The following HTR2C variants were observed in gnomAD, a reference collection of about 807,000 sequenced individuals.
HTR2C encodes the protein 5-hydroxytryptamine (serotonin) receptor 2C, G protein-coupled.
A neutral mutation model predicts 21.0 loss-of-function variants in HTR2C; 5 were observed. The ratio of observed to expected loss-of-function variants is 0.24; its 90% CI spans 0.12 to 0.50. The LOEUF (loss-of-function observed/expected upper bound fraction) is 0.50, where lower values mean the gene tolerates loss of function less well. HTR2C is among the 20% of genes least tolerant of loss of function. HTR2C has a pLI of 0.98. For synonymous variants in HTR2C, 150 were observed against 145.3 expected (o/e 1.03, Z -0.23); for missense variants, 271 against 371.2 (o/e 0.73, Z 2.22).
chrX:114,781,317 ACT>A (rs1216809550), intron 4 of HTR2C, among the ~76,000 whole-genome samples: 3 of 110,135 alleles, frequency 2.7e-5, no homozygotes, highest in Non-Finnish European at 5.7e-5. Flanking sequence ...CAAGACGCTG[ACT>A]CTACAAAAAA....
chrX:114,676,053 A>G (rs1405151414), intron 2 of HTR2C, among the ~76,000 whole-genome samples: 3 of 110,047 alleles, frequency 2.7e-5, no homozygotes, highest in African/African-American at 9.9e-5. Context: ...TATTTTTAGT[A>G]GAGACGAGGT....
chrX:114,845,782 G>C (rs1260973737), intron 4 of HTR2C, among the ~76,000 whole-genome samples: 3 of 109,174 alleles, frequency 2.7e-5, no homozygotes, highest in Non-Finnish European at 3.8e-5. Context: ...GGCCAAGGTG[G>C]GAGGATTACT....
At chrX:114,708,075 A>G (rs907624763) in intron 2 of HTR2C, among the ~76,000 whole-genome samples, 1 of 111,603 alleles carries the variant, frequency 9.0e-6, no homozygotes, top group African/African-American at 3.2e-5. Flanking sequence ...TCAGAGTTGC[A>G]TATTAGGAAA....
chrX:114,858,845 T>C (rs2070984576), intron 5 of HTR2C, among the ~76,000 whole-genome samples: 1 of 111,020 alleles, frequency 9.0e-6, no homozygotes, highest in Admixed American at 9.6e-5. Context: ...TTAAATTCCC[T>C]TTTATTCTAT....
chrX:114,907,417 A>G lies in HTR2C; in HGVS notation c.*2A>G, dbSNP rs200841726. The G allele has an allele frequency of 3.7e-5, 43 of 1,160,774 alleles. No individual in the cohort carries two copies. Among genetic ancestry groups the G allele is most frequent in the Admixed American group, 3.3e-4 (15 of 45,492 alleles). ...AGCGAAAGGATTAGCAGTGTGTGAGAAAGAACAGCACAGTCTTTTCCTACG... is the reference window on the plus strand; with the variant it reads ...AGCGAAAGGATTAGCAGTGTGTGAGGAAGAACAGCACAGTCTTTTCCTACG... On this transcript the variant is annotated 3_prime_UTR_variant, in exon 6 of 6. Coordinates refer to ENST00000276198, the MANE Select transcript of HTR2C (RefSeq NM_000868.4).
At chrX:114,877,279 G>A (rs1313831395) in intron 5 of HTR2C, among the ~76,000 whole-genome samples, 1 of 111,136 alleles carries the variant, frequency 9.0e-6, no homozygotes, top group Non-Finnish European at 1.9e-5. Flanking sequence ...TATTTGTGGT[G>A]TCATTTGCAA....
At chrX:114,864,347 T>A (rs952516285) in intron 5 of HTR2C, among the ~76,000 whole-genome samples, 2 of 111,519 alleles carry the variant, frequency 1.8e-5, no homozygotes, top group Admixed American at 9.6e-5. Flanking sequence ...ATATAAAACA[T>A]CATATAGTTA....
At chrX:114,821,602 A>G (rs1376557711) in intron 4 of HTR2C, among the ~76,000 whole-genome samples, 1 of 111,720 alleles carries the variant, frequency 9.0e-6, no homozygotes, top group Non-Finnish European at 1.9e-5. Context: ...TTTAATGATT[A>G]ATTACTTGGC....
chrX:114,692,332 C>G (rs1932131104), intron 2 of HTR2C, among the ~76,000 whole-genome samples: 1 of 111,718 alleles, frequency 9.0e-6, no homozygotes, highest in African/African-American at 3.2e-5. Flanking sequence ...TTAGTGAGTT[C>G]TACAGTCAAC....
intron 4 of HTR2C, among the ~76,000 whole-genome samples, chrX:114,753,814 G>A (rs1410031449): frequency 3.6e-5 from 4 of 112,008 alleles, no homozygotes; most frequent in Non-Finnish European, 5.6e-5. Flanking sequence ...TGGATTGGAA[G>A]AGTCAACATA....
chrX:114,636,133 G>A (rs781816122), intron 2 of HTR2C, among the ~76,000 whole-genome samples: 1 of 98,780 alleles, frequency 1.0e-5, no homozygotes, highest in East Asian at 3.3e-4. Context: ...CTACCTCCCC[G>A]ATCTAAAGAA....
chrX:114,875,449 C>G (rs2071126168), intron 5 of HTR2C, among the ~76,000 whole-genome samples: 1 of 111,149 alleles, frequency 9.0e-6, no homozygotes, highest in African/African-American at 3.3e-5. Context: ...TTTATGTTAC[C>G]TGTGCTTTTG....
chrX:114,909,790 T>G lies in HTR2C; in HGVS notation c.*2375T>G, dbSNP rs2071401172. The G allele has an allele frequency of 8.9e-6, 1 of 112,314 alleles. No homozygotes were observed. The highest frequency in any genetic ancestry group is 3.7e-4 in the South Asian group (1 of 2,728). The allele number at this position is 112,314 out of a possible 1,213,427, so 9.3% of individuals were successfully genotyped here. On this transcript the variant is annotated 3_prime_UTR_variant, in exon 6 of 6. Transcript: ENST00000276198. Reference sequence around the variant, plus strand: ...ACCCTTCAATGTTAAATCTACAAACTTTTATAAATGTTTTAAAGAAGTCCA... The same window carrying G: ...ACCCTTCAATGTTAAATCTACAAACGTTTATAAATGTTTTAAAGAAGTCCA...
chrX:114,871,420 C>T (rs1264242308), intron 5 of HTR2C, among the ~76,000 whole-genome samples: 2 of 111,713 alleles, frequency 1.8e-5, no homozygotes, highest in African/African-American at 6.5e-5. Context: ...AATGTTCTGT[C>T]AATATCTATT....
intron 2 of HTR2C, among the ~76,000 whole-genome samples, chrX:114,699,997 A>G (rs1472441274): frequency 1.8e-5 from 2 of 111,883 alleles, no homozygotes; most frequent in African/African-American, 6.5e-5. Flanking sequence ...TAGTGTATAG[A>G]TTTGAAAGAA....
rs782049619 is a variant in HTR2C, at chrX:114,688,578, TTTATC to T, written c.-79-38279_-79-38275del. 1.6e-3 allele frequency among the ~76,000 whole-genome samples: 183 copies of T among 112,092 alleles called. 1 individual carries two copies. Among genetic ancestry groups the T allele is most frequent in the African/African-American group, 5.8e-3 (178 of 30,935 alleles). Reference sequence around the variant, plus strand: ...TTGCTACCTGGGATTAGAAAACTATTTTATCATTCATTTCTTAATGGTTGATAAGG... The same window carrying T: ...TTGCTACCTGGGATTAGAAAACTATTATTCATTTCTTAATGGTTGATAAGG... On this transcript the variant is annotated intron_variant, in intron 2 of 5. Coordinates refer to ENST00000276198, the MANE Select transcript of HTR2C (RefSeq NM_000868.4).
intron 4 of HTR2C, among the ~76,000 whole-genome samples, chrX:114,789,926 T>C (rs916450127): frequency 2.7e-5 from 3 of 112,145 alleles, no homozygotes; most frequent in African/African-American, 6.5e-5. Flanking sequence ...TAAAATAATA[T>C]GTTTAGCATT....
intron 2 of HTR2C, among the ~76,000 whole-genome samples, chrX:114,706,412 C>T (rs1932769197): frequency 1.1e-5 from 1 of 91,347 alleles, no homozygotes; most frequent in Non-Finnish European, 2.2e-5. Flanking sequence ...TTTGTAGGGA[C>T]ATGGATGAAA....
chrX:114,885,464 CA>C lies in HTR2C; in HGVS notation c.551-21123del, dbSNP rs2071213371. Among the ~76,000 whole-genome samples the C allele has an allele frequency of 2.7e-5, 3 of 111,175 alleles. No homozygotes were observed. In the Admixed American group the frequency reaches 2.9e-4, roughly 11 times the overall value. ...GATGTGGCCATCATTAAGCCACACG[CA>C]ACTGTAATTAGATTTTTTAAAATCC... On this transcript the variant is annotated intron_variant, in intron 5 of 5. Coordinates refer to ENST00000276198, the MANE Select transcript of HTR2C (RefSeq NM_000868.4).
Sources: gnomAD v4.1 joint callset for allele counts (sites outside exome capture counted in the v4.1 genomes callset) on GRCh38, gnomAD v4.1.1 for gene constraint, MANE v1.5 for transcripts, NCBI Gene and HGNC (gene_info 2026-07-23, HGNC 2026-07-21) for gene names.